SND1: variants seen among roughly 807,000 people sequenced by gnomAD.
SND1 encodes staphylococcal nuclease and tudor domain containing 1.
Under a neutral mutation model 121.7 loss-of-function variants are expected in SND1, and 38 were observed. The ratio of observed to expected loss-of-function variants is 0.31; its 90% CI spans 0.24 to 0.41. SND1 has a LOEUF of 0.41. SND1 is among the 10% of genes least tolerant of loss of function. The pLI, the probability that SND1 is intolerant of heterozygous loss-of-function variation, is 1.00. For missense variants in SND1, 868 were observed against 1,184.6 expected (o/e 0.73, Z 3.92); for synonymous variants, 401 against 447.4 (o/e 0.90, Z 1.31).
At chr7:128,028,851 A>G (rs779941315) in intron 16 of SND1, 3 of 1,614,062 alleles carry the variant, frequency 1.9e-6, no homozygotes. Flanking sequence ...TGTGGGCAGC[A>G]CTACTGCCCC....
At chr7:127,658,409 A>G (rs1309694504) in intron 1 of SND1, among the ~76,000 whole-genome samples, 4 of 152,248 alleles carry the variant, frequency 2.6e-5, no homozygotes, top group Non-Finnish European at 5.9e-5. Flanking sequence ...ACTATCAGCT[A>G]GTCCTGTGTA....
intron 12 of SND1, among the ~76,000 whole-genome samples, chr7:127,881,739 A>G (rs866185296): frequency 1.3e-5 from 2 of 152,028 alleles, no homozygotes; most frequent in South Asian, 2.1e-4. Context: ...TGTCAAATGG[A>G]AACAATTTTT....
intron 16 of SND1, chr7:128,028,350 G>A (rs1159524544): frequency 8.4e-6 from 2 of 239,298 alleles, no homozygotes; most frequent in East Asian, 1.0e-4. Context: ...ACCTCTTTAA[G>A]GATGTTTGTT....
chr7:127,927,114 A>G (rs547196310), intron 14 of SND1, among the ~76,000 whole-genome samples: 27 of 152,086 alleles, frequency 1.8e-4, no homozygotes, highest in Non-Finnish European at 3.7e-4. Flanking sequence ...CTCTCTTTAT[A>G]AAGTAGGTAA....
At chr7:127,752,132 G>T (rs1431399337) in intron 10 of SND1, among the ~76,000 whole-genome samples, 1 of 152,178 alleles carries the variant, frequency 6.6e-6, no homozygotes, top group South Asian at 2.1e-4. Context: ...CACATCCTAG[G>T]ATATTGTCTT....
chr7:127,922,175 C>CTTTT lies in SND1; in HGVS notation c.1528-6988_1528-6985dup, dbSNP rs1158535023. On this transcript the variant is annotated intron_variant, in intron 14 of 23. Coordinates refer to ENST00000354725, the MANE Select transcript of SND1 (RefSeq NM_014390.4). ...CCAGCTGATTTTCTTTTTTTCTTTC[C>CTTTT]TTTTTTTTTTTTTTTTTTTTTTTTT... Among the ~76,000 whole-genome samples the CTTTT allele has an allele frequency of 2.6e-3, 150 of 57,174 alleles. 8 individuals carry two copies. The highest frequency in any genetic ancestry group is 0.032 in the Middle Eastern group (2 of 62). The allele number at this position is 57,174 out of a possible 152,430, so 37.5% of individuals were successfully genotyped here. A position where few individuals can be genotyped will look rare whatever the true frequency, so the allele number is the denominator to read the frequency against.
chr7:127,895,551 A>G (rs1269173093), intron 13 of SND1, among the ~76,000 whole-genome samples: 1 of 152,044 alleles, frequency 6.6e-6, no homozygotes, highest in Admixed American at 6.6e-5. Flanking sequence ...TGCTAACTGG[A>G]TTCAGCACGT....
chr7:127,658,251 G>T (rs929024610), intron 1 of SND1, among the ~76,000 whole-genome samples: 8 of 152,164 alleles, frequency 5.3e-5, no homozygotes, highest in African/African-American at 1.9e-4. Flanking sequence ...GGAGGTGGAG[G>T]TTGCAGTGAA....
intron 15 of SND1, among the ~76,000 whole-genome samples, chr7:127,940,674 G>A (rs1801176549): frequency 6.6e-6 from 1 of 152,148 alleles, no homozygotes; most frequent in East Asian, 1.9e-4. Flanking sequence ...TTGAAAAGCT[G>A]TTTGCCCCCT....
intron 1 of SND1, among the ~76,000 whole-genome samples, chr7:127,671,777 G>GT (rs1239432371): frequency 6.6e-6 from 1 of 152,168 alleles, no homozygotes; most frequent in Non-Finnish European, 1.5e-5. Flanking sequence ...ACTGAATGAA[G>GT]TTTATCTGTC....
At chr7:128,069,019 T>C (rs1176384313) in intron 16 of SND1, among the ~76,000 whole-genome samples, 1 of 152,202 alleles carries the variant, frequency 6.6e-6, no homozygotes, top group African/African-American at 2.4e-5. Context: ...CATGGCTGGC[T>C]GGCAGCACCC....
At chr7:127,981,812 A>G (rs1369044513) in intron 15 of SND1, among the ~76,000 whole-genome samples, 1 of 152,208 alleles carries the variant, frequency 6.6e-6, no homozygotes, top group African/African-American at 2.4e-5. Context: ...GCTGTGGTCA[A>G]TGATTGAGCA....
At chr7:128,056,973 G>A (rs1793153750) in intron 16 of SND1, among the ~76,000 whole-genome samples, 2 of 152,070 alleles carry the variant, frequency 1.3e-5, no homozygotes, top group South Asian at 4.1e-4. Context: ...AGAGGGAGAG[G>A]GTTACTAAGT....
At chr7:127,880,409 G>T (rs76318078) in intron 12 of SND1, among the ~76,000 whole-genome samples, 8,234 of 151,992 alleles carry the variant, frequency 0.054, 644 homozygotes, top group African/African-American at 0.17. Flanking sequence ...TATTTCTTGC[G>T]GATAAGGAGG....
intron 1 of SND1, among the ~76,000 whole-genome samples, chr7:127,673,623 T>C (rs1795564646): frequency 6.6e-6 from 1 of 152,246 alleles, no homozygotes; most frequent in South Asian, 2.1e-4. Context: ...CTATTAATGA[T>C]TCTTGTTAGT....
At chr7:127,726,251 T>A (rs1796581071) in intron 10 of SND1, among the ~76,000 whole-genome samples, 1 of 152,212 alleles carries the variant, frequency 6.6e-6, no homozygotes, top group Admixed American at 6.5e-5. Flanking sequence ...CTAGATAGTG[T>A]TATGCGAGAG....
intron 10 of SND1, among the ~76,000 whole-genome samples, chr7:127,759,340 T>G (rs1478867382): frequency 6.6e-6 from 1 of 152,198 alleles, no homozygotes; most frequent in Non-Finnish European, 1.5e-5. Flanking sequence ...GTTTGATACT[T>G]TATTCAGTGA....
Position 128,074,445 on chromosome 7 carries a change from A to G in SND1, c.1780-57A>G, listed in dbSNP as rs984555261. ...GCGCTGCTGTCCTCCCCACGGGCAC[A>G]GCCCCTGCACACTCAGGCCTGGCCC... On this transcript the variant is annotated intron_variant, in intron 16 of 23. Transcript: ENST00000354725. The G allele has an allele frequency of 3.3e-6, 5 of 1,527,116 alleles. No homozygotes were observed. The African/African-American group carries it at 5.5e-5, about 17-fold the overall frequency. The allele number at this position is 1,527,116 out of a possible 1,614,324, so 94.6% of individuals were successfully genotyped here.
At chr7:127,858,391 CA>C in intron 12 of SND1, 3 of 1,306,306 alleles carry the variant, frequency 2.3e-6, no homozygotes, top group Non-Finnish European at 3.2e-6. Flanking sequence ...ATAGGAGCTC[CA>C]AAAGTCCCTC....
Sources: gnomAD v4.1 joint callset for allele counts (sites outside exome capture counted in the v4.1 genomes callset) on GRCh38, gnomAD v4.1.1 for gene constraint, MANE v1.5 for transcripts, NCBI Gene and HGNC (gene_info 2026-07-23, HGNC 2026-07-21) for gene names.